TMEM117: variants seen among roughly 807,000 people sequenced by gnomAD.
TMEM117 encodes the protein transmembrane protein 117.
In TMEM117, 27 loss-of-function variants were observed where a neutral mutation model predicts 52.4. That is an observed-to-expected ratio of 0.51 (90% CI 0.38 to 0.71). TMEM117 has a LOEUF of 0.71. Ranked by LOEUF, TMEM117 falls within the 30% of genes least tolerant of loss-of-function variation. The probability of loss-of-function intolerance (pLI) is 0.00; values close to 1 mark genes in which losing one functional copy is unlikely to be tolerated. For missense variants in TMEM117, 556 were observed against 630.5 expected, an observed-to-expected ratio of 0.88 and a Z score of 1.26; for synonymous variants, 215 against 206.3, an observed-to-expected ratio of 1.04 and a Z score of -0.36.
intron 5 of TMEM117, among the ~76,000 whole-genome samples, chr12:44,290,111 C>G (rs188711979): frequency 6.0e-4 from 92 of 152,154 alleles, no homozygotes; most frequent in Admixed American, 2.6e-3. Context: ...AATATTAACC[C>G]CTTGTCAGAT....
the TMEM117 span, among the ~76,000 whole-genome samples, chr12:43,796,017 C>T: frequency 6.6e-6 from 1 of 152,166 alleles, no homozygotes; most frequent in Non-Finnish European, 1.5e-5. Context: ...GCCACCACTA[C>T]ATTCTCAAGT....
At chr12:44,058,325 G>T (rs868409478) in intron 3 of TMEM117, among the ~76,000 whole-genome samples, 4 of 152,164 alleles carry the variant, frequency 2.6e-5, no homozygotes, top group South Asian at 2.1e-4. Context: ...TGTATTTTCT[G>T]GCTGAACATG....
In TMEM117 at chr12:44,170,288, C is replaced by G. The variant is rs554527461; in HGVS notation, c.510+26664C>G. 8.4e-3 allele frequency among the ~76,000 whole-genome samples: 820 copies of G among 98,158 alleles called. 5 individuals carry two copies. Among genetic ancestry groups the G allele is most frequent in the Non-Finnish European group, 0.012 (651 of 53,054 alleles). 64.4% of individuals were successfully genotyped at this position (98,158 alleles called of 152,430 possible). On this transcript the variant is annotated intron_variant, in intron 4 of 7. Coordinates refer to ENST00000266534, the MANE Select transcript of TMEM117 (RefSeq NM_032256.3). ...GGTGGGGAACATCACACACTGGGGC[C>G]TGCTGGGGGGTGGGGGGAGGGGGGA...
At chr12:44,292,994 A>G (rs1255483463) in intron 5 of TMEM117, among the ~76,000 whole-genome samples, 1 of 151,906 alleles carries the variant, frequency 6.6e-6, no homozygotes, top group Non-Finnish European at 1.5e-5. Flanking sequence ...TTTGATCTGT[A>G]TGATCTATTC....
At chr12:44,033,230 AG>A (rs1946660511) in intron 3 of TMEM117, among the ~76,000 whole-genome samples, 1 of 152,240 alleles carries the variant, frequency 6.6e-6, no homozygotes, top group African/African-American at 2.4e-5. Flanking sequence ...TGGTCTGAAA[AG>A]GGGAAACATG....
intron 5 of TMEM117, among the ~76,000 whole-genome samples, chr12:44,225,246 C>T (rs1303021398): frequency 6.6e-6 from 1 of 152,122 alleles, no homozygotes; most frequent in Admixed American, 6.5e-5. Context: ...CTGGGATTCT[C>T]TTGTAATATA....
In TMEM117 at chr12:44,335,104, A is replaced by T. The variant is rs190710230; in HGVS notation, c.768+35365A>T. Among the ~76,000 whole-genome samples the T allele has an allele frequency of 3.3e-5, 5 of 152,132 alleles. No individual in the cohort carries two copies. The East Asian group carries it at 9.7e-4, about 30-fold the overall frequency. ...TGGTATATTGGGAGCACTGTAGGTGAGATATGGAACATTATGGTGATAGGC... is the reference window on the plus strand; with the variant it reads ...TGGTATATTGGGAGCACTGTAGGTGTGATATGGAACATTATGGTGATAGGC... On this transcript the variant is annotated intron_variant, in intron 6 of 7. Coordinates refer to ENST00000266534, the MANE Select transcript of TMEM117 (RefSeq NM_032256.3).
intron 2 of TMEM117, among the ~76,000 whole-genome samples, chr12:43,867,683 T>C (rs1943627007): frequency 6.6e-6 from 1 of 151,852 alleles, no homozygotes; most frequent in South Asian, 2.1e-4. Flanking sequence ...GTGAATATGT[T>C]AATATCAGAC....
chr12:44,021,871 A>C (rs1239374867), intron 3 of TMEM117, among the ~76,000 whole-genome samples: 4 of 152,154 alleles, frequency 2.6e-5, no homozygotes, highest in African/African-American at 4.8e-5. Flanking sequence ...TTCCTCTCTC[A>C]TGCAACCATA....
intron 6 of TMEM117, among the ~76,000 whole-genome samples, chr12:44,330,076 T>C (rs1951248384): frequency 6.6e-6 from 1 of 151,984 alleles, no homozygotes; most frequent in African/African-American, 2.4e-5. Flanking sequence ...TTTTTAATTT[T>C]TTGAGGAAGT....
intron 3 of TMEM117, among the ~76,000 whole-genome samples, chr12:44,129,643 G>A (rs1948383419): frequency 6.6e-6 from 1 of 152,124 alleles, no homozygotes. Flanking sequence ...TCTTTCAAAT[G>A]GCACTAGATT....
downstream of TMEM117, among the ~76,000 whole-genome samples, chr12:44,391,165 GA>G (rs1482032511): frequency 6.6e-6 from 1 of 152,088 alleles, no homozygotes; most frequent in African/African-American, 2.4e-5. Flanking sequence ...TGCAGAATTT[GA>G]ACTAATTTGA....
intron 2 of TMEM117, among the ~76,000 whole-genome samples, chr12:43,928,078 A>C (rs951048149): frequency 6.6e-6 from 1 of 151,718 alleles, no homozygotes; most frequent in Non-Finnish European, 1.5e-5. Context: ...TTAAATATCT[A>C]CTATTTTAGT....
intron 6 of TMEM117, among the ~76,000 whole-genome samples, chr12:44,309,043 A>G (rs550307746): frequency 1.3e-5 from 2 of 152,354 alleles, no homozygotes; most frequent in East Asian, 3.9e-4. Flanking sequence ...AGGCAATGGA[A>G]TCATGGAAGC....
chr12:43,850,621 C>G lies in TMEM117; in HGVS notation c.277+5693C>G, dbSNP rs569134067. On this transcript the variant is annotated intron_variant, in intron 2 of 7. Transcript: ENST00000266534. ...CTCCTCTGTGACACTTTCTCTGACT[C>G]CCTCCCGTAAGACTTCAGTTGTCTT... Among the ~76,000 whole-genome samples, 31 of 152,274 alleles carry G rather than the reference C, an allele frequency of 2.0e-4. 2 individuals carry two copies. In the South Asian group the frequency reaches 6.2e-3, roughly 31 times the overall value.
chr12:44,020,279 A>T (rs897340881), intron 3 of TMEM117, among the ~76,000 whole-genome samples: 42 of 152,156 alleles, frequency 2.8e-4, no homozygotes, highest in African/African-American at 1.0e-3. Flanking sequence ...CTTTTTTACT[A>T]TATGGAGCCC....
intron 5 of TMEM117, among the ~76,000 whole-genome samples, chr12:44,244,903 C>T (rs1164808132): frequency 6.6e-6 from 1 of 151,934 alleles, no homozygotes; most frequent in African/African-American, 2.4e-5. Context: ...TTTTATTCTT[C>T]TGTATTTTGG....
At chr12:44,273,214 C>T (rs1036058412) in intron 5 of TMEM117, among the ~76,000 whole-genome samples, 34 of 151,614 alleles carry the variant, frequency 2.2e-4, no homozygotes, top group African/African-American at 7.3e-4. Context: ...CACACCAGGA[C>T]CTGTTGTGGG....
intron 5 of TMEM117, among the ~76,000 whole-genome samples, chr12:44,251,415 G>T (rs140147437): frequency 2.5e-4 from 38 of 152,194 alleles, no homozygotes; most frequent in African/African-American, 8.2e-4. Context: ...AAGGCCATCG[G>T]TTGGATGCTT....
Sources: allele counts gnomAD v4.1 joint callset (sites outside exome capture counted in the v4.1 genomes callset), GRCh38; gene constraint gnomAD v4.1.1; transcripts MANE v1.5; gene names NCBI Gene and HGNC (gene_info 2026-07-23, HGNC 2026-07-21).